The following PTGS2 variants were observed in gnomAD, a reference collection of about 807,000 sequenced individuals.
The protein encoded by PTGS2 is prostaglandin-endoperoxide synthase 2, also known as prostaglandin G/H synthase 2.
A neutral mutation model predicts 63.8 loss-of-function variants in PTGS2; 14 were observed. The observed-to-expected ratio is 0.22, with a 90% CI of 0.14 to 0.34. The LOEUF is 0.34. Among genes scored for constraint, PTGS2 ranks in the 10% least tolerant of loss-of-function variants. The pLI, the probability that PTGS2 is intolerant of heterozygous loss-of-function variation, is 1.00. For synonymous variants in PTGS2, 271 were observed against 259.5 expected (o/e 1.04, Z -0.43); for missense variants, 533 against 738.5 (o/e 0.72, Z 3.23).
intron 5 of PTGS2, among the ~76,000 whole-genome samples, 162 bp from the exon 6 acceptor site, chr1:186,677,078 T>A (rs2102006269): frequency 6.6e-6 from 1 of 152,298 alleles, no homozygotes; most frequent in Middle Eastern, 3.4e-3. Context: ...TAAATTAATT[T>A]GTTTATCCAC....
In PTGS2 at chr1:186,673,870, T is replaced by G. The variant is rs975617247; in HGVS notation, c.*483A>C. The G allele has an allele frequency of 2.0e-5, 3 of 152,274 alleles. No individual in the cohort carries two copies. Among genetic ancestry groups the G allele is most frequent in the African/African-American group, 7.2e-5 (3 of 41,460 alleles). The allele number at this position is 152,274 out of a possible 1,614,324, so 9.4% of individuals were successfully genotyped here. On this transcript the variant is annotated 3_prime_UTR_variant, in exon 10 of 10. Transcript: ENST00000367468. Reference sequence around the variant, plus strand: ...CATGAAATTACTGGTAATGTCTAATTTAAATATTCATTTAATAATGCACTG... The same window carrying G: ...CATGAAATTACTGGTAATGTCTAATGTAAATATTCATTTAATAATGCACTG...
At position 186,677,638 on chromosome 1, in the gene PTGS2, C is replaced by T; in HGVS notation, c.639+11G>A. ...AATTTTACTAACTCTAAGATATTAA[C>T]TCTATCTTACCCCATGGCCCAGCCC... On this transcript the variant is annotated intron_variant, in intron 5 of 9. Transcript: ENST00000367468. 1.9e-6 allele frequency: 3 copies of T among 1,587,356 alleles called. No homozygotes were observed. The highest frequency in any genetic ancestry group is 2.6e-6 in the Non-Finnish European group (3 of 1,167,614).
chr1:186,675,636 A>G, intron 8 of PTGS2: 1 of 619,764 alleles, frequency 1.6e-6, no homozygotes, highest in South Asian at 2.4e-5. Flanking sequence ...CAAGCCTAAA[A>G]TATTTATTCC....
At position 186,672,281 on chromosome 1, in the gene PTGS2, C is replaced by T. The variant is rs1233269572; in HGVS notation, c.*2072G>A. ...AAATTAACGAAGCATCCACAGATCC[C>T]TCAAAACATTTTAAAAGGTCAGTCT... On this transcript the variant is annotated 3_prime_UTR_variant, in exon 10 of 10. Transcript: ENST00000367468. The T allele has an allele frequency of 6.6e-6, 1 of 152,082 alleles. No homozygotes were observed. Among genetic ancestry groups the T allele is most frequent in the African/African-American group, 2.4e-5 (1 of 41,428 alleles). The allele number at this position is 152,082 out of a possible 1,614,324, so 9.4% of individuals were successfully genotyped here.
At chr1:186,677,885 T>A in intron 4 of PTGS2, 55 bp from the exon 5 acceptor site, 1 of 1,519,098 alleles carries the variant, frequency 6.6e-7, no homozygotes, top group Non-Finnish European at 9.0e-7. Context: ...AGAAAGGAGA[T>A]GGTGACTGTC....
chr1:186,673,139 A>G lies in PTGS2; in HGVS notation c.*1214T>C, dbSNP rs1665718692. Reference sequence around the variant, plus strand: ...ATGCAGGTAGCCAGGCTTGATTCCAATGCACCTACTGAATTGGCTTCAAGA... The same window carrying G: ...ATGCAGGTAGCCAGGCTTGATTCCAGTGCACCTACTGAATTGGCTTCAAGA... On this transcript the variant is annotated 3_prime_UTR_variant, in exon 10 of 10. Transcript: ENST00000367468. The G allele has an allele frequency of 1.3e-5, 2 of 152,196 alleles. No individual in the cohort carries two copies. Among genetic ancestry groups the G allele is most frequent in the Admixed American group, 6.5e-5 (1 of 15,286 alleles). 9.4% of individuals were successfully genotyped at this position (152,196 alleles called of 1,614,324 possible).
chr1:186,676,381 C>A, intron 7 of PTGS2, 86 bp downstream of exon 7: 2 of 1,525,152 alleles, frequency 1.3e-6, no homozygotes, highest in Non-Finnish European at 1.8e-6. Flanking sequence ...TTTACCACAT[C>A]TTGTCATTTA....
Position 186,679,105 on chromosome 1 carries a change from T to G in PTGS2, c.266A>C (p.Asn89Thr). 6.2e-7 allele frequency: 1 copy of G among 1,614,198 alleles called. No individual in the cohort carries two copies. Among genetic ancestry groups the G allele is most frequent in the Non-Finnish European group, 8.5e-7 (1 of 1,180,016 alleles). ...THFKGFWNVV[N>T]NIPFLRNAIM... ...TGCATTTCGAAGGAAGGGAATGTTA[T>G]TCACAACGTTCCAAAATCCCTTGAA... The change falls in exon 3 of 10, where the codon AAT (asparagine) becomes ACT (threonine). Residue 89 changes from asparagine to threonine, a missense_variant. By Grantham distance (65) the Asn-to-Thr change is moderately conservative. Around this residue, in one of 5 missense-constraint regions of PTGS2, gnomAD observed 118 missense variants for 144.6 expected, o/e 0.82. Coordinates refer to ENST00000367468, the MANE Select transcript of PTGS2 (RefSeq NM_000963.4).
chr1:186,677,461 T>C (rs1175504870), intron 5 of PTGS2, among the ~76,000 whole-genome samples, 188 bp downstream of exon 5: 3 of 152,238 alleles, frequency 2.0e-5, no homozygotes, highest in Non-Finnish European at 2.9e-5. Context: ...TGTCTGTGTG[T>C]GTGTATAATT....
rs1281479804 is a variant in PTGS2, at chr1:186,674,451, G to A, written c.1717C>T (p.Leu573Phe). The change falls in exon 10 of 10, where the codon CTC (leucine) becomes TTC (phenylalanine). Residue 573 changes from leucine to phenylalanine, a missense_variant. Physicochemically the swap from Leu to Phe is conservative, Grantham distance 22. Coordinates refer to ENST00000367468, the MANE Select transcript of PTGS2 (RefSeq NM_000963.4). ...GCATTGATGGTGACTGTTTTAATGA[G>A]CTCTGGATCTGGAACACTGAATGAA... Reference protein sequence around the residue: ...FTSFSVPDPELIKTVTINASS... With the variant: ...FTSFSVPDPEFIKTVTINASS... 2.5e-6 allele frequency: 4 copies of A among 1,613,992 alleles called. No homozygotes were observed. In the African/African-American group the frequency reaches 5.3e-5, roughly 22 times the overall value.
chr1:186,676,632 G>A lies in PTGS2; in HGVS notation c.805C>T (p.Leu269=). The change falls in exon 7 of 10, where the codon CTA becomes TTA. Residue 269 remains leucine, a synonymous_variant. Coordinates refer to ENST00000367468, the MANE Select transcript of PTGS2 (RefSeq NM_000963.4). ...MIYPPQVPEH[L]RFAVGQEVFG... is the part of the protein sequence containing the mutation. ...ACCTCCTGCCCCACAGCAAACCGTA[G>A]ATGCTCAGGGACTTGAGGAGGGTAG... 1 of 1,614,146 alleles carries A rather than the reference G, an allele frequency of 6.2e-7. No individual in the cohort carries two copies. The highest frequency in any genetic ancestry group is 1.3e-5 in the African/African-American group (1 of 75,028).
Position 186,676,726 on chromosome 1 carries a change from A to G in PTGS2, c.724-13T>C. The G allele has an allele frequency of 6.2e-7, 1 of 1,601,322 alleles. No homozygotes were observed. Among genetic ancestry groups the G allele is most frequent in the Non-Finnish European group, 8.5e-7 (1 of 1,174,854 alleles). On this transcript the variant is annotated splice_polypyrimidine_tract_variant and intron_variant, in intron 6 of 9. Transcript: ENST00000367468. The stretch of plus-strand genomic sequence containing the variant: ...CTCCATCAATTATCTAAAAAAATAA[A>G]TAAATAAATAAACATCAGTTAAAAA...
rs1350517032 is a variant in PTGS2, at chr1:186,674,447, A to G, written c.1721T>C (p.Ile574Thr). ...TSFSVPDPELIKTVTINASSS... is the reference protein window; with the variant it reads ...TSFSVPDPELTKTVTINASSS... ...ACTTGCATTGATGGTGACTGTTTTA[A>G]TGAGCTCTGGATCTGGAACACTGAA... The change falls in exon 10 of 10, where the codon ATT (isoleucine) becomes ACT (threonine). Residue 574 changes from isoleucine to threonine, a missense_variant. Ile to Thr is a moderately conservative substitution (Grantham distance 89, BLOSUM62 -1). Transcript: ENST00000367468. 6.2e-7 allele frequency: 1 copy of G among 1,614,162 alleles called. No homozygotes were observed.
chr1:186,680,274 A>C lies in PTGS2; in HGVS notation c.17T>G (p.Leu6Arg). The change falls in exon 1 of 10, where the codon CTG becomes CGG. Residue 6 changes from leucine to arginine, a missense_variant. Transcript: ENST00000367468. ...GAGCGCCAGGACCGCGCACAGCAGC[A>C]GGGCGCGGGCGAGCATCGCAGCGGC... is the stretch of plus-strand genomic sequence containing the variant. MLARA[L>R]LLCAVLALSH... The C allele has an allele frequency of 6.5e-7, 1 of 1,545,018 alleles. No individual in the cohort carries two copies. The highest frequency in any genetic ancestry group is 8.7e-7 in the Non-Finnish European group (1 of 1,144,142).
intron 1 of PTGS2, 48 bp from the exon 2 acceptor site, chr1:186,679,486 T>A: frequency 1.5e-6 from 2 of 1,316,788 alleles, no homozygotes; most frequent in Non-Finnish European, 2.2e-6. Flanking sequence ...GTCTTAATCT[T>A]AATTTAAACA....
chr1:186,677,593 C>T lies in PTGS2; in HGVS notation c.639+56G>A, dbSNP rs1206379176. 6 of 1,454,994 alleles carry T rather than the reference C, an allele frequency of 4.1e-6. No individual in the cohort carries two copies. In the African/African-American group the frequency reaches 8.6e-5, roughly 21 times the overall value. 90.1% of individuals were successfully genotyped at this position (1,454,994 alleles called of 1,614,324 possible). ...TCTGTATATCTCCTTTAATGTTAGC[C>T]CTTGACTATGATTTGGTATAATTTT... On this transcript the variant is annotated intron_variant, in intron 5 of 9. Coordinates refer to ENST00000367468, the MANE Select transcript of PTGS2 (RefSeq NM_000963.4).
chr1:186,674,533 G>A lies in PTGS2; in HGVS notation c.1635C>T (p.Ile545=). The change falls in exon 10 of 10, where the codon ATC becomes ATT. Residue 545 remains isoleucine, a synonymous_variant. Coordinates refer to ENST00000367468, the MANE Select transcript of PTGS2 (RefSeq NM_000963.4). ...TFGGEVGFQI[I]NTASIQSLIC... ...TGAGAGACTGAATTGAGGCAGTGTT[G>A]ATGATTTGAAAACCCACTTCTCCAC... The A allele has an allele frequency of 6.2e-7, 1 of 1,614,166 alleles. No individual in the cohort carries two copies. Among genetic ancestry groups the A allele is most frequent in the Non-Finnish European group, 8.5e-7 (1 of 1,180,032 alleles).
intron 5 of PTGS2, among the ~76,000 whole-genome samples, chr1:186,677,413 C>G (rs1665800748): frequency 6.6e-6 from 1 of 151,912 alleles, no homozygotes; most frequent in Non-Finnish European, 1.5e-5. Context: ...AATACCTGTA[C>G]ATATGTATGT....
rs1234044103 is a variant in PTGS2, at chr1:186,674,345, T to C, written c.*8A>G. ...TCATATAAATAAATAAATATGATCA[T>C]TAGACTTCTACAGTTCAGTCGAACG... On this transcript the variant is annotated 3_prime_UTR_variant, in exon 10 of 10. Coordinates refer to ENST00000367468, the MANE Select transcript of PTGS2 (RefSeq NM_000963.4). 7.8e-6 allele frequency: 12 copies of C among 1,539,410 alleles called. No individual in the cohort carries two copies. The highest frequency in any genetic ancestry group is 8.8e-6 in the Non-Finnish European group (10 of 1,133,624).
Sources: gnomAD v4.1 joint callset for allele counts (sites outside exome capture counted in the v4.1 genomes callset) on GRCh38, gnomAD v4.1.1 for gene constraint, gnomAD v4.1.1 regional missense constraint, MANE v1.5 for transcripts, NCBI Gene and HGNC (gene_info 2026-07-23, HGNC 2026-07-21) for gene names.